FAM83B: variants seen among roughly 807,000 people sequenced by gnomAD.
FAM83B encodes the protein protein FAM83B.
Under a neutral mutation model 38.8 loss-of-function variants are expected in FAM83B, and 26 were observed. The ratio of observed to expected loss-of-function variants is 0.67; its 90% CI spans 0.49 to 0.93. The LOEUF (loss-of-function observed/expected upper bound fraction) is 0.93, where lower values mean the gene tolerates loss of function less well. Among genes scored for constraint, FAM83B ranks in the 40% least tolerant of loss-of-function variants. The pLI is 0.00. For synonymous variants in FAM83B, 419 were observed against 423.1 expected (o/e 0.99, Z 0.12); for missense variants, 1,237 against 1,197.3 (o/e 1.03, Z -0.49).
chr6:54,852,974 T>C (rs7747352), intron 1 of FAM83B, among the ~76,000 whole-genome samples: 68,900 of 151,926 alleles, frequency 0.45, 16,318 homozygotes, highest in African/African-American at 0.54. Flanking sequence ...TGGCTATTGT[T>C]GTTAGTGTAT....
chr6:54,906,761 C>T (rs1772785260), intron 2 of FAM83B, among the ~76,000 whole-genome samples: 1 of 152,066 alleles, frequency 6.6e-6, no homozygotes, highest in Non-Finnish European at 1.5e-5. Flanking sequence ...AAGTTATTTA[C>T]CATTCTCTCA....
intron 2 of FAM83B, among the ~76,000 whole-genome samples, chr6:54,900,632 A>G: frequency 6.6e-6 from 1 of 152,216 alleles, no homozygotes. Flanking sequence ...ATAAGGGAGA[A>G]CAGATGTAGA....
chr6:54,940,259 C>T lies in FAM83B; in HGVS notation c.1288C>T (p.Arg430Trp), dbSNP rs149060290. The change falls in exon 5 of 5, where the codon CGG becomes TGG. Residue 430 changes from arginine to tryptophan, a missense_variant. Coordinates refer to ENST00000306858, the MANE Select transcript of FAM83B (RefSeq NM_001010872.3). ...TAGTCTCAGTGTGGCGTCCTCATCA[C>T]GGGAAGGCTATGTAAGCCACCACAA... ...SDSLSVASSSREGYVSHHNTP... is the reference protein window; with the variant it reads ...SDSLSVASSSWEGYVSHHNTP... 40 of 1,613,898 alleles carry T rather than the reference C, an allele frequency of 2.5e-5. 1 individual carries two copies. Among genetic ancestry groups the T allele is most frequent in the African/African-American group, 1.2e-4 (9 of 74,906 alleles).
intron 1 of FAM83B, among the ~76,000 whole-genome samples, chr6:54,860,925 A>G (rs949783516): frequency 6.6e-6 from 1 of 152,104 alleles, no homozygotes; most frequent in Non-Finnish European, 1.5e-5. Context: ...GCGCTGACTC[A>G]TTGCTCTGCT....
At chr6:54,855,997 A>G (rs1391940723) in intron 1 of FAM83B, among the ~76,000 whole-genome samples, 3 of 152,232 alleles carry the variant, frequency 2.0e-5, no homozygotes, top group Admixed American at 6.5e-5. Context: ...AGAAAGGTAT[A>G]GATAACATAA....
chr6:54,939,785 G>A lies in FAM83B; in HGVS notation c.814G>A (p.Glu272Lys). Residue 272 changes from glutamate to lysine, a missense_variant, in exon 5 of 5, where the codon GAA becomes AAA. Transcript: ENST00000306858. ...ACAACTTGTTGAGTCCTTTGATGAA[G>A]AATTTAGAACTCTCTATGCCAGATC... ...TGQLVESFDE[E>K]FRTLYARSCV... 1 of 1,613,874 alleles carries A rather than the reference G, an allele frequency of 6.2e-7. No homozygotes were observed. The highest frequency in any genetic ancestry group is 8.5e-7 in the Non-Finnish European group (1 of 1,179,916).
intron 1 of FAM83B, among the ~76,000 whole-genome samples, chr6:54,862,855 G>C (rs966239914): frequency 4.0e-5 from 6 of 150,336 alleles, no homozygotes; most frequent in Non-Finnish European, 1.5e-5. Flanking sequence ...TTGCACTCCA[G>C]GCTGGGTGCA....
rs202044655 is a variant in FAM83B at position 54,886,698 on chromosome 6, G to A, written c.444+16008G>A. On this transcript the variant is annotated intron_variant, in intron 2 of 4. Transcript: ENST00000306858. ...CTTGATTTTCTTTTTCAAATTTAGC[G>A]TGTTGATTTTTTTATATTACTGATT... Among the ~76,000 whole-genome samples the A allele has an allele frequency of 2.4e-4, 37 of 151,592 alleles. No homozygotes were observed. The East Asian group carries it at 5.2e-3, about 21-fold the overall frequency.
intron 2 of FAM83B, among the ~76,000 whole-genome samples, chr6:54,894,553 A>C (rs760728347): frequency 6.6e-6 from 1 of 152,220 alleles, no homozygotes; most frequent in Non-Finnish European, 1.5e-5. Flanking sequence ...ACACAGTTGA[A>C]GAGATTTTAA....
chr6:54,868,108 A>G (rs1771761076), intron 1 of FAM83B, among the ~76,000 whole-genome samples: 1 of 152,180 alleles, frequency 6.6e-6, no homozygotes, highest in Admixed American at 6.6e-5. Flanking sequence ...AACAATGAGC[A>G]TTATGTGCAA....
chr6:54,936,785 G>A (rs1226842462), intron 4 of FAM83B, among the ~76,000 whole-genome samples: 1 of 150,702 alleles, frequency 6.6e-6, no homozygotes, highest in Admixed American at 6.6e-5. Flanking sequence ...TTTCTTCATG[G>A]ATTTCCTCAT....
At chr6:54,880,658 T>C (rs1772113513) in intron 2 of FAM83B, among the ~76,000 whole-genome samples, 1 of 152,152 alleles carries the variant, frequency 6.6e-6, no homozygotes, top group African/African-American at 2.4e-5. Flanking sequence ...TTGGTCAGGC[T>C]GATCTCAAAC....
At chr6:54,870,750 A>G in intron 2 of FAM83B, 60 bp downstream of exon 2, 4 of 1,392,542 alleles carry the variant, frequency 2.9e-6, no homozygotes, top group Non-Finnish European at 3.9e-6. Flanking sequence ...TAGAGAGAGT[A>G]ATAACACAAA....
intron 2 of FAM83B, among the ~76,000 whole-genome samples, chr6:54,889,448 G>C (rs554957373): frequency 6.6e-6 from 1 of 151,946 alleles, no homozygotes; most frequent in African/African-American, 2.4e-5. Flanking sequence ...TAACACTACC[G>C]CAGAGTATTG....
At chr6:54,915,083 T>C (rs1226105496) in intron 2 of FAM83B, among the ~76,000 whole-genome samples, 1 of 152,030 alleles carries the variant, frequency 6.6e-6, no homozygotes, top group African/African-American at 2.4e-5. Context: ...TTCACCCACC[T>C]GTTTTTATGC....
chr6:54,899,708 GA>G (rs1303889095), intron 2 of FAM83B, among the ~76,000 whole-genome samples: 1 of 152,112 alleles, frequency 6.6e-6, no homozygotes, highest in Non-Finnish European at 1.5e-5. Flanking sequence ...TTCCATTCAT[GA>G]GGCCTCCCAC....
At chr6:54,872,483 G>T (rs1409755252) in intron 2 of FAM83B, among the ~76,000 whole-genome samples, 1 of 152,094 alleles carries the variant, frequency 6.6e-6, no homozygotes, top group Non-Finnish European at 1.5e-5. Context: ...ATCCATTTTT[G>T]AAAATACATC....
intron 2 of FAM83B, among the ~76,000 whole-genome samples, chr6:54,881,056 A>T (rs1206572610): frequency 3.9e-5 from 6 of 152,216 alleles, no homozygotes; most frequent in Admixed American, 2.6e-4. Flanking sequence ...TTACAATAAA[A>T]TAATTGGTTT....
chr6:54,878,538 G>T (rs1772052041), intron 2 of FAM83B, among the ~76,000 whole-genome samples: 1 of 152,194 alleles, frequency 6.6e-6, no homozygotes, highest in South Asian at 2.1e-4. Context: ...AGCCATGCAT[G>T]TATTTGTGGG....
Sources: allele counts gnomAD v4.1 joint callset (sites outside exome capture counted in the v4.1 genomes callset), GRCh38; gene constraint gnomAD v4.1.1; transcripts MANE v1.5; gene names NCBI Gene and HGNC (gene_info 2026-07-23, HGNC 2026-07-21).